The following HERC2 variants were observed in gnomAD, a reference collection of about 807,000 sequenced individuals.
HERC2 encodes E3 ubiquitin-protein ligase HERC2.
In HERC2, 102 loss-of-function variants were observed where a neutral mutation model predicts 537.7. The observed-to-expected ratio is 0.19, with a 90% CI of 0.16 to 0.22. HERC2 has a LOEUF of 0.22. HERC2 is among the 10% of genes least tolerant of loss of function. HERC2 has a pLI of 1.00. For synonymous variants in HERC2, 2,224 were observed against 2,466.2 expected, an observed-to-expected ratio of 0.90 and a Z score of 2.91; for missense variants, 4,236 against 6,198.2, an observed-to-expected ratio of 0.68 and a Z score of 10.63.
At chr15:28,216,739 C>G (rs1227606781) in intron 38 of HERC2, among the ~76,000 whole-genome samples, 1 of 149,154 alleles carries the variant, frequency 6.7e-6, no homozygotes, top group Non-Finnish European at 1.5e-5. Flanking sequence ...CAGGTGCACT[C>G]ACACCACTGT....
At chr15:28,209,469 A>G (rs937679513) in intron 44 of HERC2, among the ~76,000 whole-genome samples, 43 of 151,900 alleles carry the variant, frequency 2.8e-4, no homozygotes, top group Non-Finnish European at 4.9e-4. Flanking sequence ...TCAGCCTCCC[A>G]AGTAGCTGGG....
chr15:28,284,139 CAA>C (rs984212749), intron 4 of HERC2, among the ~76,000 whole-genome samples: 5 of 151,804 alleles, frequency 3.3e-5, no homozygotes, highest in East Asian at 1.9e-4. Context: ...GCTGGAGTGC[CAA>C]AAAGTTTCAA....
chr15:28,312,203 T>A (rs1218441263), intron 2 of HERC2, among the ~76,000 whole-genome samples: 1 of 152,202 alleles, frequency 6.6e-6, no homozygotes, highest in Non-Finnish European at 1.5e-5. Context: ...CTGGAGGAGG[T>A]CTCCAGAGAG....
In HERC2 at chr15:28,176,896, T is replaced by G. The variant is rs2140155789; in HGVS notation, c.9432+54A>C. On this transcript the variant is annotated intron_variant, in intron 61 of 92. Coordinates refer to ENST00000261609, the MANE Select transcript of HERC2 (RefSeq NM_004667.6). The surrounding 1 kb of genome is among the most constrained non-coding windows in gnomAD (Gnocchi z 5.0). Reference sequence around the variant, plus strand: ...TCCTAGACTTGAAGCTTATTTTCTCTTGACATCTTCAGATGGTAAGCTTTC... The same window carrying G: ...TCCTAGACTTGAAGCTTATTTTCTCGTGACATCTTCAGATGGTAAGCTTTC... 1 of 1,590,376 alleles carries G rather than the reference T, an allele frequency of 6.3e-7. No individual in the cohort carries two copies. Among genetic ancestry groups the G allele is most frequent in the Middle Eastern group, 1.7e-4 (1 of 5,970 alleles).
At position 28,179,200 on chromosome 15, in the gene HERC2, C is replaced by T. The variant is rs1895587789; in HGVS notation, c.8961G>A (p.Glu2987=). The change falls in exon 58 of 93, where the codon GAG becomes GAA. Residue 2987 remains glutamate, a synonymous_variant. Coordinates refer to ENST00000261609, the MANE Select transcript of HERC2 (RefSeq NM_004667.6). ...GSKIKVPSFS[E]TLSALNVVQV... ...GTACCACATTCAAAGCTGACAGTGT[C>T]TCAGAGAACGAAGGAACCTTTATCT... 2.5e-6 allele frequency: 4 copies of T among 1,610,844 alleles called. No homozygotes were observed. Among genetic ancestry groups the T allele is most frequent in the Non-Finnish European group, 3.4e-6 (4 of 1,179,012 alleles).
intron 2 of HERC2, among the ~76,000 whole-genome samples, chr15:28,310,773 A>T (rs1310713011): frequency 3.3e-5 from 5 of 152,142 alleles, no homozygotes; most frequent in African/African-American, 1.2e-4. Flanking sequence ...GAAACAGAGA[A>T]GGTGAACTAA....
In HERC2 at chr15:28,182,468, A is replaced by T; in HGVS notation, c.8870T>A (p.Ile2957Lys). Reference sequence around the variant, plus strand: ...GCCCCACACAAACACCTTGGTTCTTATCGTAGCTGCTGATTCCAGCCCAGC... The same window carrying T: ...GCCCCACACAAACACCTTGGTTCTTTTCGTAGCTGCTGATTCCAGCCCAGC... ...KAAGLESAAT[I>K]RTKVFVWGLN... Residue 2957 changes from isoleucine (I) to lysine (K), a missense_variant, in exon 57 of 93, where the codon ATA (isoleucine) becomes AAA (lysine). This residue lies in a region of HERC2 where 606 missense variants were observed against 884.5 expected (regional missense o/e 0.69). Coordinates refer to ENST00000261609, the MANE Select transcript of HERC2 (RefSeq NM_004667.6). 1 of 1,613,938 alleles carries T rather than the reference A, an allele frequency of 6.2e-7. No individual in the cohort carries two copies. The highest frequency in any genetic ancestry group is 8.5e-7 in the Non-Finnish European group (1 of 1,180,006).
chr15:28,136,189 A>T (rs1364774140), intron 78 of HERC2, among the ~76,000 whole-genome samples: 1 of 152,182 alleles, frequency 6.6e-6, no homozygotes, highest in Non-Finnish European at 1.5e-5. Context: ...GATTAATTTT[A>T]AAAAATGATT....
intron 4 of HERC2, among the ~76,000 whole-genome samples, chr15:28,287,416 T>A (rs576739561): frequency 2.5e-4 from 38 of 151,806 alleles, no homozygotes; most frequent in Admixed American, 8.5e-4. Flanking sequence ...AAGTAAACCC[T>A]CTTCATTAAA....
intron 12 of HERC2, 62 bp from the exon 13 acceptor site, chr15:28,266,036 TAAC>T: frequency 1.3e-6 from 2 of 1,560,570 alleles, no homozygotes; most frequent in Non-Finnish European, 1.8e-6. Context: ...TTATTAATGT[TAAC>T]AAAGGAAATT....
intron 35 of HERC2, 73 bp downstream of exon 35, chr15:28,228,137 AAAAAAAAG>A: frequency 1.5e-6 from 2 of 1,294,686 alleles, no homozygotes; most frequent in African/African-American, 3.0e-5. Context: ...TTTAAAAAAA[AAAAAAAAG>A]AAAAGAAAAG....
At chr15:28,287,043 G>A (rs1159826874) in intron 4 of HERC2, among the ~76,000 whole-genome samples, 2 of 152,138 alleles carry the variant, frequency 1.3e-5, no homozygotes, top group East Asian at 3.9e-4. Flanking sequence ...GAATATGTGC[G>A]TGCGCGCTGT....
Position 28,229,470 on chromosome 15 carries a change from T to G in HERC2, c.5110A>C (p.Ile1704Leu), listed in dbSNP as rs544618464. The change falls in exon 33 of 93, where the codon ATC becomes CTC. Residue 1704 changes from isoleucine to leucine, a missense_variant. This residue lies in a region of HERC2 where 343 missense variants were observed against 417.2 expected (regional missense o/e 0.82). Transcript: ENST00000261609. ...CGWQRLIPEGIDIGEPLTDCL... is the reference protein window; with the variant it reads ...CGWQRLIPEGLDIGEPLTDCL... The stretch of plus-strand genomic sequence containing the variant: ...ATGCTAACGTTTTACCCTATATCGA[T>G]TCCCTCAGGAATAAGTCTTTGCCAT... 2 of 1,613,606 alleles carry G rather than the reference T, an allele frequency of 1.2e-6. No individual in the cohort carries two copies. The highest frequency in any genetic ancestry group is 1.7e-5 in the Admixed American group (1 of 60,018).
chr15:28,156,547 CTGTT>C (rs1893029303), intron 69 of HERC2, among the ~76,000 whole-genome samples: 2 of 152,100 alleles, frequency 1.3e-5, no homozygotes, highest in Admixed American at 1.3e-4. Context: ...CATTATTTTG[CTGTT>C]TGTCTGTTAT....
chr15:28,181,332 A>G (rs1191587254), intron 57 of HERC2, among the ~76,000 whole-genome samples: 4 of 152,228 alleles, frequency 2.6e-5, no homozygotes, highest in Non-Finnish European at 5.9e-5. Context: ...ACCTCTGGAC[A>G]GCCCTGCATT....
chr15:28,143,245 T>C (rs1454346014), intron 74 of HERC2, among the ~76,000 whole-genome samples: 1 of 152,004 alleles, frequency 6.6e-6, no homozygotes, highest in Admixed American at 6.6e-5. Context: ...TCTCGTCCCA[T>C]GGGTAGGATC....
At chr15:28,138,739 C>T (rs1890900095) in intron 78 of HERC2, among the ~76,000 whole-genome samples, 2 of 152,098 alleles carry the variant, frequency 1.3e-5, no homozygotes, top group Admixed American at 6.5e-5. Context: ...GGAGTAATTT[C>T]GACTTTCAAA....
In HERC2 at chr15:28,117,338, C is replaced by T. The variant is rs74007959; in HGVS notation, c.13273-184G>A. On this transcript the variant is annotated intron_variant, in intron 86 of 92. Transcript: ENST00000261609. ...GTCTGGGGCGCTCGACTGTGGACAC[C>T]CGAGACCGCTGCCTCACCCCATTGG... 3,601 of 715,922 alleles carry T rather than the reference C, an allele frequency of 5.0e-3. 94 individuals are homozygous for T. In the African/African-American group the frequency reaches 0.056, roughly 11 times the overall value. 44.3% of individuals were successfully genotyped at this position (715,922 alleles called of 1,614,324 possible). A position where few individuals can be genotyped will look rare whatever the true frequency, so the allele number is the denominator to read the frequency against.
At chr15:28,212,629 C>G in intron 42 of HERC2, 46 bp from the exon 43 acceptor site, 1 of 1,601,190 alleles carries the variant, frequency 6.2e-7, no homozygotes, top group Admixed American at 1.7e-5. Flanking sequence ...ATACGACTAA[C>G]AAATGAAACG....
Sources: gnomAD v4.1 joint callset for allele counts (sites outside exome capture counted in the v4.1 genomes callset) on GRCh38, gnomAD v4.1.1 for gene constraint, gnomAD v4.1.1 regional missense constraint, Gnocchi (gnomAD v3.1) non-coding constraint, MANE v1.5 for transcripts, NCBI Gene and HGNC (gene_info 2026-07-23, HGNC 2026-07-21) for gene names.